The following SV2C variants were observed in gnomAD, a reference collection of about 807,000 sequenced individuals.
The protein encoded by SV2C is synaptic vesicle glycoprotein 2C.
In SV2C, 49 loss-of-function variants were observed where a neutral mutation model predicts 79.7. The observed-to-expected ratio is 0.61, with a 90% CI of 0.49 to 0.78. SV2C has a LOEUF of 0.78. SV2C is among the 30% of genes least tolerant of loss of function. SV2C has a pLI of 0.00. For synonymous variants in SV2C, 334 were observed against 333.2 expected, an observed-to-expected ratio of 1.00 and a Z score of -0.03; for missense variants, 833 against 912.9, an observed-to-expected ratio of 0.91 and a Z score of 1.13.
chr5:75,920,563 G>A, the SV2C span: 1 of 487,242 alleles, frequency 2.1e-6, no homozygotes, highest in Non-Finnish European at 3.6e-6. Context: ...AGCCATGGCT[G>A]GCTGGATTGG....
chr5:75,862,004 T>C, the SV2C span, among the ~76,000 whole-genome samples: 1 of 152,192 alleles, frequency 6.6e-6, no homozygotes, highest in Non-Finnish European at 1.5e-5. Flanking sequence ...GAGAGTGGGA[T>C]TGAATAATTT....
At chr5:76,235,858 A>C (rs544558102) in intron 4 of SV2C, among the ~76,000 whole-genome samples, 3 of 152,146 alleles carry the variant, frequency 2.0e-5, no homozygotes, top group Admixed American at 6.5e-5. Context: ...CTCTTTTTGC[A>C]TCTAAATTGA....
chr5:75,901,323 G>C, the SV2C span, among the ~76,000 whole-genome samples: 4 of 152,214 alleles, frequency 2.6e-5, no homozygotes, highest in African/African-American at 9.6e-5. Flanking sequence ...CTGAGCTGCA[G>C]GTCTGTTGGA....
chr5:75,954,070 T>A, the SV2C span, among the ~76,000 whole-genome samples: 1 of 151,934 alleles, frequency 6.6e-6, no homozygotes, highest in Non-Finnish European at 1.5e-5. Context: ...CAGGTGTAAT[T>A]GAGATGGTGA....
chr5:75,984,598 C>CTACCTACCTATCTATCTATCTATCTAT, the SV2C span, among the ~76,000 whole-genome samples: 1 of 82,430 alleles, frequency 1.2e-5, no homozygotes, highest in African/African-American at 4.0e-5. Context: ...TATCTATCTA[C>CTACCTACCTATCTATCTATCTATCTAT]CTATCTATCT....
chr5:76,325,096 TTCTC>T (rs1267939875), intron 12 of SV2C, among the ~76,000 whole-genome samples: 1 of 152,196 alleles, frequency 6.6e-6, no homozygotes, highest in East Asian at 1.9e-4. Flanking sequence ...CTACAATTTT[TTCTC>T]TCTTTCTGTT....
At chr5:76,188,770 G>A (rs1008492186) in intron 2 of SV2C, among the ~76,000 whole-genome samples, 1 of 151,184 alleles carries the variant, frequency 6.6e-6, no homozygotes, top group African/African-American at 2.4e-5. Flanking sequence ...ACAAGGAGAT[G>A]TTACAGCCTA....
chr5:76,010,990 C>T, the SV2C span, among the ~76,000 whole-genome samples: 4 of 152,116 alleles, frequency 2.6e-5, no homozygotes, highest in Non-Finnish European at 4.4e-5. Context: ...AGCAAAGCTG[C>T]GTGTTTTCAA....
the SV2C span, among the ~76,000 whole-genome samples, chr5:76,075,136 C>T: frequency 1.9e-4 from 29 of 152,176 alleles, no homozygotes; most frequent in African/African-American, 6.8e-4. Context: ...TTGACTCTTA[C>T]ATCCTTCATG....
chr5:75,941,969 A>G, the SV2C span, among the ~76,000 whole-genome samples: 262 of 152,346 alleles, frequency 1.7e-3, 2 homozygotes, highest in South Asian at 2.9e-3. Context: ...TCCCCAACTT[A>G]GCCTATAGTA....
the SV2C span, among the ~76,000 whole-genome samples, chr5:75,901,621 TCAGA>T: frequency 6.6e-6 from 1 of 152,254 alleles, no homozygotes; most frequent in African/African-American, 2.4e-5. Context: ...TTCAAAGCTG[TCAGA>T]CAGGGACATT....
chr5:76,156,796 T>G (rs1742740416), intron 2 of SV2C, among the ~76,000 whole-genome samples: 1 of 150,524 alleles, frequency 6.6e-6, no homozygotes, highest in African/African-American at 2.4e-5. Context: ...ACCAAAGAGG[T>G]TCAAGAGTAG....
chr5:76,037,260 A>C, the SV2C span, among the ~76,000 whole-genome samples: 3 of 152,328 alleles, frequency 2.0e-5, no homozygotes, highest in Admixed American at 6.5e-5. Flanking sequence ...AAGTCATTCT[A>C]TGTACAGCTT....
In SV2C at chr5:76,286,202, C is replaced by G. The variant is rs372438630; in HGVS notation, c.1137+332C>G. On this transcript the variant is annotated intron_variant, in intron 6 of 12. Coordinates refer to ENST00000502798, the MANE Select transcript of SV2C (RefSeq NM_014979.4). ...AGATGGGGTTAAGGTGGAAAGACTG[C>G]ATTTTCATCACAGACTTACTTACTC... 7.0e-4 allele frequency among the ~76,000 whole-genome samples: 107 copies of G among 152,234 alleles called. 1 individual carries two copies. In the South Asian group the frequency reaches 0.022, roughly 31 times the overall value.
chr5:75,866,019 T>C, the SV2C span, among the ~76,000 whole-genome samples: 2 of 152,106 alleles, frequency 1.3e-5, no homozygotes, highest in East Asian at 3.9e-4. Flanking sequence ...CTAGAAACTA[T>C]CAAAAATGCA....
chr5:75,853,413 G>C, the SV2C span, among the ~76,000 whole-genome samples: 4 of 151,338 alleles, frequency 2.6e-5, no homozygotes, highest in Admixed American at 2.0e-4. Flanking sequence ...AAAACTAGCC[G>C]GGCGTGGTGG....
At chr5:76,198,601 TC>T (rs1341307236) in intron 3 of SV2C, among the ~76,000 whole-genome samples, 4 of 152,186 alleles carry the variant, frequency 2.6e-5, no homozygotes, top group African/African-American at 9.6e-5. Context: ...TGTCTAGGTA[TC>T]CCTTAATCCA....
the SV2C span, among the ~76,000 whole-genome samples, chr5:75,878,879 G>T: frequency 6.6e-5 from 10 of 152,274 alleles, no homozygotes; most frequent in African/African-American, 1.9e-4. Flanking sequence ...TTGGCTCATG[G>T]TTCTGAAAGC....
At chr5:76,108,210 G>A (rs1727701558) in intron 1 of SV2C, among the ~76,000 whole-genome samples, 1 of 152,124 alleles carries the variant, frequency 6.6e-6, no homozygotes, top group Non-Finnish European at 1.5e-5. Flanking sequence ...GATTTTTTTG[G>A]AGTATTTAGA....
Sources: gnomAD v4.1 joint callset for allele counts (sites outside exome capture counted in the v4.1 genomes callset) on GRCh38, gnomAD v4.1.1 for gene constraint, MANE v1.5 for transcripts, NCBI Gene and HGNC (gene_info 2026-07-23, HGNC 2026-07-21) for gene names.